Variants in EPHB1 observed in about 807,000 individuals in gnomAD.
The protein encoded by EPHB1 is ephrin type-B receptor 1.
A neutral mutation model predicts 94.4 loss-of-function variants in EPHB1; 30 were observed. That is an observed-to-expected ratio of 0.32 (90% CI 0.24 to 0.43). The LOEUF (loss-of-function observed/expected upper bound fraction) is 0.43, where lower values mean the gene tolerates loss of function less well. Ranked by LOEUF, EPHB1 falls within the 20% of genes least tolerant of loss-of-function variation. The pLI is 1.00. For missense variants in EPHB1, 1,055 were observed against 1,308.3 expected, an observed-to-expected ratio of 0.81 and a Z score of 2.99; for synonymous variants, 522 against 489.1, an observed-to-expected ratio of 1.07 and a Z score of -0.89.
At chr3:135,248,532 C>A (rs2107731448) in intron 14 of EPHB1, 23 bp downstream of exon 14, 2 of 1,545,780 alleles carry the variant, frequency 1.3e-6, no homozygotes, top group Admixed American at 1.9e-5. Flanking sequence ...AAACGGTGAT[C>A]CCTAAATATG....
chr3:135,091,456 G>T (rs1938548013), intron 3 of EPHB1, among the ~76,000 whole-genome samples: 2 of 152,196 alleles, frequency 1.3e-5, no homozygotes, highest in Admixed American at 1.3e-4. Context: ...CTCTGCTGTG[G>T]GTTGAGTGGG....
rs189180168 is a variant in EPHB1 at position 135,038,976 on chromosome 3, T to C, written c.806-67472T>C. ...CGCTGATTGGTGCGTTTACAATCCC[T>C]GAGCTAGATACAAAGGTTCTCTATG... On this transcript the variant is annotated intron_variant, in intron 3 of 15. Transcript: ENST00000398015. Among the ~76,000 whole-genome samples, 12 of 152,284 alleles carry C rather than the reference T, an allele frequency of 7.9e-5. No individual in the cohort carries two copies. The East Asian group carries it at 2.3e-3, about 30-fold the overall frequency.
At position 135,154,248 on chromosome 3, in the gene EPHB1, TG is replaced by T; in HGVS notation, c.1396del (p.Asp466ThrfsTer61). 6.2e-7 allele frequency: 1 copy of T among 1,614,030 alleles called. No individual in the cohort carries two copies. On this transcript the variant is annotated frameshift_variant, in exon 6 of 16. Coordinates refer to ENST00000398015, the MANE Select transcript of EPHB1 (RefSeq NM_004441.5). LOFTEE classifies it high-confidence loss of function. ...PQPEQPNGII[L>X]DYEIRYYEKE... Reference sequence around the variant, plus strand: ...CCGGAGCAGCCCAATGGCATCATCCTGGACTATGAGATCCGGTACTATGAGA... The same window carrying T: ...CCGGAGCAGCCCAATGGCATCATCCTGACTATGAGATCCGGTACTATGAGA...
At chr3:135,077,870 G>C (rs1374848827) in intron 3 of EPHB1, among the ~76,000 whole-genome samples, 1 of 152,194 alleles carries the variant, frequency 6.6e-6, no homozygotes, top group East Asian at 1.9e-4. Context: ...ATACCAGAAG[G>C]TTGATCTTTG....
intron 3 of EPHB1, among the ~76,000 whole-genome samples, chr3:135,074,752 C>T (rs1937849798): frequency 6.6e-6 from 1 of 152,222 alleles, no homozygotes; most frequent in South Asian, 2.1e-4. Context: ...AGGGGTGGCA[C>T]TATGTCATTA....
intron 1 of EPHB1, among the ~76,000 whole-genome samples, chr3:134,892,594 G>C (rs2038008879): frequency 6.6e-6 from 1 of 152,240 alleles, no homozygotes; most frequent in South Asian, 2.1e-4. Flanking sequence ...TTAAAGTCAA[G>C]TGTTTGTAAG....
intron 1 of EPHB1, among the ~76,000 whole-genome samples, chr3:134,798,147 G>A (rs2035866152): frequency 6.6e-6 from 1 of 152,194 alleles, no homozygotes; most frequent in Non-Finnish European, 1.5e-5. Context: ...TCATGTGTCT[G>A]TCTGCTTTCC....
chr3:135,052,273 G>T (rs554804264), intron 3 of EPHB1, among the ~76,000 whole-genome samples: 3 of 152,142 alleles, frequency 2.0e-5, no homozygotes, highest in African/African-American at 7.2e-5. Context: ...GGTGTGTGTC[G>T]ATTGAATATT....
intron 3 of EPHB1, among the ~76,000 whole-genome samples, chr3:135,063,909 G>A (rs1937547885): frequency 6.6e-6 from 1 of 152,088 alleles, no homozygotes; most frequent in Non-Finnish European, 1.5e-5. Flanking sequence ...ATAAAGAGAT[G>A]CTGGATTTTT....
chr3:135,094,800 G>T (rs1938698953), intron 3 of EPHB1, among the ~76,000 whole-genome samples: 1 of 152,210 alleles, frequency 6.6e-6, no homozygotes, highest in African/African-American at 2.4e-5. Context: ...CTGTCCAGTT[G>T]GCCTGCTATA....
chr3:134,892,546 C>A (rs1176412800), intron 1 of EPHB1, among the ~76,000 whole-genome samples: 1 of 152,256 alleles, frequency 6.6e-6, no homozygotes, highest in East Asian at 1.9e-4. Flanking sequence ...CAATCACTCC[C>A]TAGGTGACCC....
chr3:134,881,667 G>A (rs745781613), intron 1 of EPHB1, among the ~76,000 whole-genome samples: 17 of 152,146 alleles, frequency 1.1e-4, no homozygotes, highest in Non-Finnish European at 1.9e-4. Flanking sequence ...GGTGCTAATC[G>A]GTTTATGGCC....
rs138468386 is a variant in EPHB1 at position 135,007,167 on chromosome 3, C to G, written c.805+55115C>G. On this transcript the variant is annotated intron_variant, in intron 3 of 15. Transcript: ENST00000398015. ...CAACTTTATCATGTGATTCATAGGA[C>G]CATGGAATAGCACCTTGAAAGAGGA... Among the ~76,000 whole-genome samples the G allele has an allele frequency of 1.4e-3, 214 of 152,252 alleles. 1 individual carries two copies. The highest frequency in any genetic ancestry group is 3.4e-3 in the Middle Eastern group (1 of 294).
intron 3 of EPHB1, among the ~76,000 whole-genome samples, chr3:134,991,024 T>C (rs1243335194): frequency 6.6e-6 from 1 of 152,210 alleles, no homozygotes; most frequent in East Asian, 1.9e-4. Context: ...TGGAGCTCTT[T>C]TTCTGTCTTT....
intron 12 of EPHB1, among the ~76,000 whole-genome samples, chr3:135,231,327 A>G (rs560924248): frequency 6.6e-6 from 1 of 152,334 alleles, no homozygotes; most frequent in South Asian, 2.1e-4. Context: ...CTGTTTGCCC[A>G]GTCAGTATAG....
At chr3:135,001,078 G>A (rs1438571238) in intron 3 of EPHB1, among the ~76,000 whole-genome samples, 2 of 152,160 alleles carry the variant, frequency 1.3e-5, no homozygotes, top group South Asian at 2.1e-4. Flanking sequence ...GAGGAGGAGG[G>A]TGTCAGAGGC....
rs147764367 is a variant in EPHB1, at chr3:135,006,152, T to C, written c.805+54100T>C. On this transcript the variant is annotated intron_variant, in intron 3 of 15. Transcript: ENST00000398015. ...GTGAGTCAATTAAACCTCTTTCCTT[T>C]ATAAATTAACCAGTCTTAGGTATTT... Among the ~76,000 whole-genome samples, 193 of 152,342 alleles carry C rather than the reference T, an allele frequency of 1.3e-3. 1 individual carries two copies. Among genetic ancestry groups the C allele is most frequent in the African/African-American group, 4.5e-3 (186 of 41,586 alleles).
intron 2 of EPHB1, among the ~76,000 whole-genome samples, chr3:134,932,139 T>G (rs971964536): frequency 2.0e-5 from 3 of 152,086 alleles, no homozygotes; most frequent in Non-Finnish European, 4.4e-5. Context: ...GGGAGGATTA[T>G]TAGACTGAAT....
chr3:135,136,240 T>A (rs1470722704), intron 5 of EPHB1, among the ~76,000 whole-genome samples: 1 of 152,202 alleles, frequency 6.6e-6, no homozygotes, highest in Non-Finnish European at 1.5e-5. Flanking sequence ...TTTTTGGTCA[T>A]TGGGCACATG....
Sources: allele counts gnomAD v4.1 joint callset (sites outside exome capture counted in the v4.1 genomes callset), GRCh38; gene constraint gnomAD v4.1.1; transcripts MANE v1.5; gene names NCBI Gene and HGNC (gene_info 2026-07-23, HGNC 2026-07-21).